Variants in PKD2 observed in about 807,000 individuals in gnomAD.
The protein encoded by PKD2 is polycystin-2.
A neutral mutation model predicts 105.9 loss-of-function variants in PKD2; 48 were observed. The ratio of observed to expected loss-of-function variants is 0.45; its 90% confidence interval spans 0.36 to 0.58. The LOEUF is 0.58. Among genes scored for constraint, PKD2 ranks in the 20% least tolerant of loss-of-function variants. PKD2 has a pLI of 0.00. For synonymous variants in PKD2, 464 were observed against 481.1 expected, an observed-to-expected ratio of 0.96 and a Z score of 0.46; for missense variants, 1,078 against 1,255.3, an observed-to-expected ratio of 0.86 and a Z score of 2.13.
intron 12 of PKD2, among the ~76,000 whole-genome samples, chr4:88,066,137 G>T (rs1056065190): frequency 8.5e-5 from 13 of 152,172 alleles, no homozygotes; most frequent in Middle Eastern, 6.8e-3. Context: ...AAAAATAATG[G>T]ATTATTAATG....
chr4:88,052,450 C>T (rs544884557), intron 7 of PKD2, among the ~76,000 whole-genome samples: 3 of 152,104 alleles, frequency 2.0e-5, no homozygotes, highest in Middle Eastern at 3.4e-3. Flanking sequence ...TAAATTTTTT[C>T]GTAGAGACAA....
chr4:88,027,764 TC>T (rs149910783), intron 2 of PKD2, among the ~76,000 whole-genome samples: 4,610 of 152,256 alleles, frequency 0.03, 227 homozygotes, highest in African/African-American at 0.11. Context: ...AGGGGCAGTT[TC>T]CCCCATGCTG....
intron 5 of PKD2, among the ~76,000 whole-genome samples, chr4:88,045,738 G>A (rs1020462098): frequency 5.3e-5 from 8 of 152,070 alleles, no homozygotes; most frequent in African/African-American, 1.9e-4. Flanking sequence ...GTAAAATAGT[G>A]TATGTTTTAG....
At chr4:88,030,037 C>G (rs987570461) in intron 2 of PKD2, among the ~76,000 whole-genome samples, 1 of 152,096 alleles carries the variant, frequency 6.6e-6, no homozygotes, top group African/African-American at 2.4e-5. Context: ...TAAGAGGCCT[C>G]GAAATATGAA....
At chr4:88,066,554 G>T (rs1720804362) in intron 12 of PKD2, among the ~76,000 whole-genome samples, 1 of 151,852 alleles carries the variant, frequency 6.6e-6, no homozygotes, top group Non-Finnish European at 1.5e-5. Context: ...TAGATATGGG[G>T]TTTCACCATG....
At position 88,056,737 on chromosome 4, in the gene PKD2, A is replaced by C. The variant is rs1720352348; in HGVS notation, c.1898+470A>C. Among the ~76,000 whole-genome samples, 3 of 152,230 alleles carry C rather than the reference A, an allele frequency of 2.0e-5. No individual in the cohort carries two copies. The South Asian group carries it at 6.2e-4, about 31-fold the overall frequency. Reference sequence around the variant, plus strand: ...TTTCCAAAGATCCCAAATGTGAAATAAAACAACAAAAAGCAGCCAGTGTCA... The same window carrying C: ...TTTCCAAAGATCCCAAATGTGAAATCAAACAACAAAAAGCAGCCAGTGTCA... On this transcript the variant is annotated intron_variant, in intron 8 of 14. Transcript: ENST00000237596.
At chr4:88,010,001 A>G (rs1450826447) in intron 1 of PKD2, among the ~76,000 whole-genome samples, 2 of 152,202 alleles carry the variant, frequency 1.3e-5, no homozygotes, top group African/African-American at 2.4e-5. Flanking sequence ...GGAAAATTTC[A>G]GGAAACAAAA....
intron 12 of PKD2, among the ~76,000 whole-genome samples, chr4:88,066,800 G>C (rs1324111156): frequency 6.6e-6 from 1 of 151,988 alleles, no homozygotes; most frequent in African/African-American, 2.4e-5. Flanking sequence ...TAAATGGTTA[G>C]ACAGCAACAA....
intron 2 of PKD2, among the ~76,000 whole-genome samples, chr4:88,035,437 G>A (rs1727297978): frequency 6.6e-6 from 1 of 152,198 alleles, no homozygotes; most frequent in South Asian, 2.1e-4. Context: ...CAGAGATGTG[G>A]TGGGGTTAAG....
intron 14 of PKD2, 144 bp downstream of exon 14, chr4:88,075,103 C>A: frequency 1.1e-6 from 1 of 873,128 alleles, no homozygotes; most frequent in Non-Finnish European, 1.8e-6. Context: ...TTTCCATTTA[C>A]TCTCATTTTC....
chr4:88,042,341 G>A (rs376992755), intron 4 of PKD2, among the ~76,000 whole-genome samples: 4 of 152,180 alleles, frequency 2.6e-5, no homozygotes, highest in Non-Finnish European at 4.4e-5. Context: ...ATCAGATCTC[G>A]TGAGACTTAC....
chr4:88,059,210 C>T (rs1004931835), intron 9 of PKD2, among the ~76,000 whole-genome samples: 7 of 152,138 alleles, frequency 4.6e-5, no homozygotes, highest in Non-Finnish European at 8.8e-5. Context: ...TGTACTTTAA[C>T]AGGACTGAAA....
chr4:88,036,326 T>G lies in PKD2; in HGVS notation c.816T>G (p.Thr272=). ...AAACGGAGAAAACTAACTTTAAAAC[T>G]CTGTCTTCCATGGAAGACTTCTGGA... ...VSKTEKTNFK[T]LSSMEDFWKF... The change falls in exon 3 of 15, where the codon ACT becomes ACG. Residue 272 remains threonine, a synonymous_variant. Coordinates refer to ENST00000237596, the MANE Select transcript of PKD2 (RefSeq NM_000297.4). 6.2e-7 allele frequency: 1 copy of G among 1,613,928 alleles called. No individual in the cohort carries two copies.
intron 6 of PKD2, among the ~76,000 whole-genome samples, chr4:88,048,944 G>A (rs959929093): frequency 4.6e-5 from 7 of 152,182 alleles, no homozygotes; most frequent in Admixed American, 3.9e-4. Context: ...ATTATTGTTT[G>A]GAGCTAAAAG....
chr4:88,021,533 A>G (rs926588263), intron 2 of PKD2, among the ~76,000 whole-genome samples: 3 of 152,234 alleles, frequency 2.0e-5, no homozygotes, highest in Non-Finnish European at 4.4e-5. Context: ...TCTACTTAAG[A>G]AAGTATCTTA....
intron 13 of PKD2, among the ~76,000 whole-genome samples, chr4:88,070,619 G>GAGAGAA (rs1720994403): frequency 2.0e-5 from 3 of 147,090 alleles, no homozygotes; most frequent in Non-Finnish European, 4.5e-5. Flanking sequence ...GAGAGAGAGA[G>GAGAGAA]AGAGAGAGAA....
intron 4 of PKD2, among the ~76,000 whole-genome samples, chr4:88,039,206 C>T (rs1727459630): frequency 6.6e-6 from 1 of 152,146 alleles, no homozygotes; most frequent in Non-Finnish European, 1.5e-5. Flanking sequence ...AAGCTTTGCT[C>T]AGCTAATTCT....
rs1324425739 is a variant in PKD2, at chr4:88,010,974, G to A, written c.595+2646G>A. On this transcript the variant is annotated intron_variant, in intron 1 of 14. Coordinates refer to ENST00000237596, the MANE Select transcript of PKD2 (RefSeq NM_000297.4). The stretch of plus-strand genomic sequence containing the variant: ...TTAGGAAGGAGTTGAAAGTTTCTGA[G>A]CAGGAACAGAACATGCTGAAAGGAA... 3.3e-5 allele frequency among the ~76,000 whole-genome samples: 5 copies of A among 152,320 alleles called. No individual in the cohort carries two copies. In the South Asian group the frequency reaches 1.0e-3, roughly 32 times the overall value.
At chr4:88,008,688 T>C (rs992963744) in intron 1 of PKD2, among the ~76,000 whole-genome samples, 3 of 152,164 alleles carry the variant, frequency 2.0e-5, no homozygotes, top group Admixed American at 6.5e-5. Flanking sequence ...TAACTGATGG[T>C]AGTTGCAACT....
Sources: allele counts gnomAD v4.1 joint callset (sites outside exome capture counted in the v4.1 genomes callset), GRCh38; gene constraint gnomAD v4.1.1; transcripts MANE v1.5; gene names NCBI Gene and HGNC (gene_info 2026-07-23, HGNC 2026-07-21).